The following WNK1 variants were observed in gnomAD, a reference collection of about 807,000 sequenced individuals.
The protein encoded by WNK1 is WNK lysine deficient protein kinase 1, also known as serine/threonine-protein kinase WNK1.
In WNK1, 38 loss-of-function variants were observed where a neutral mutation model predicts 222.8. That is an observed-to-expected ratio of 0.17 (90% confidence interval 0.13 to 0.22). WNK1 has a LOEUF of 0.22. Ranked by LOEUF, WNK1 falls within the 10% of genes least tolerant of loss-of-function variation. The pLI, the probability that WNK1 is intolerant of heterozygous loss-of-function variation, is 1.00. For missense variants in WNK1, 2,348 were observed against 2,918.4 expected (o/e 0.80, Z 4.50); for synonymous variants, 1,090 against 1,092.9 (o/e 1.00, Z 0.05).
intron 2 of WNK1, among the ~76,000 whole-genome samples, chr12:825,834 G>T (rs1353745821): frequency 6.6e-6 from 1 of 152,188 alleles, no homozygotes; most frequent in Non-Finnish European, 1.5e-5. Context: ...GTATTTTAAA[G>T]ATACTGAAAG....
At chr12:873,117 G>A (rs1029587666) in intron 9 of WNK1, among the ~76,000 whole-genome samples, 5 of 152,220 alleles carry the variant, frequency 3.3e-5, no homozygotes, top group Non-Finnish European at 7.3e-5. Context: ...GAAGTACTGA[G>A]TACTAATCTC....
At chr12:756,779 A>G (rs1387087390) in intron 1 of WNK1, among the ~76,000 whole-genome samples, 1 of 152,234 alleles carries the variant, frequency 6.6e-6, no homozygotes, top group Non-Finnish European at 1.5e-5. Flanking sequence ...AAAGCACTGG[A>G]AAGATAGAAA....
chr12:883,120 C>A, intron 15 of WNK1, 61 bp downstream of exon 15: 2 of 1,208,414 alleles, frequency 1.7e-6, no homozygotes, highest in Non-Finnish European at 2.5e-6. Context: ...AGCCATTGCT[C>A]TAGGCAAATA....
In WNK1 at chr12:875,591, A is replaced by G. The variant is rs183104526; in HGVS notation, c.2224-2621A>G. On this transcript the variant is annotated intron_variant, in intron 9 of 27. Transcript: ENST00000315939. ...GCTTAAAGATCTCTTTAAGATGTCA[A>G]TATAAGGGTTACATGAATAAAAACC... Among the ~76,000 whole-genome samples, 6 of 152,358 alleles carry G rather than the reference A, an allele frequency of 3.9e-5. No homozygotes were observed. In the East Asian group the frequency reaches 5.8e-4, roughly 15 times the overall value.
chr12:866,782 T>C (rs12309274), intron 8 of WNK1, among the ~76,000 whole-genome samples: 1 of 152,156 alleles, frequency 6.6e-6, no homozygotes, highest in Non-Finnish European at 1.5e-5. Context: ...CTGTCATTTA[T>C]ATTACCCTTT....
In WNK1 at chr12:884,739, G is replaced by T; in HGVS notation, c.3935G>T (p.Arg1312Leu). ...CAACAGGCCTTTTCTGAACTTAGAC[G>T]TGCCCAAATGACAGAAGGACCCAAC... ...SLQQAFSELRRAQMTEGPNTA... is the reference protein window; with the variant it reads ...SLQQAFSELRLAQMTEGPNTA... Residue 1312 changes from arginine to leucine, a missense_variant, in exon 19 of 28, where the codon CGT becomes CTT. This residue lies in a region of WNK1 where 1,144 missense variants were observed against 1,273.6 expected (regional missense o/e 0.90). Transcript: ENST00000315939. The surrounding 1 kb of genome is among the most constrained non-coding windows in gnomAD (Gnocchi z 5.6). 6.2e-7 allele frequency: 1 copy of T among 1,614,082 alleles called. No homozygotes were observed. Among genetic ancestry groups the T allele is most frequent in the Non-Finnish European group, 8.5e-7 (1 of 1,180,016 alleles).
In WNK1 at chr12:885,382, A is replaced by G. The variant is rs541711074; in HGVS notation, c.4578A>G (p.Ala1526=). ...TAGCTGAAACCGTGGTAGTTAGCGCACACTCACTAGATAAGACATCTCATA... is the reference window on the plus strand; with the variant it reads ...TAGCTGAAACCGTGGTAGTTAGCGCGCACTCACTAGATAAGACATCTCATA... The part of the protein sequence containing the change: ...PTLAETVVVS[A]HSLDKTSHSS... Residue 1526 remains alanine, a synonymous_variant, in exon 19 of 28, where the codon GCA becomes GCG. Transcript: ENST00000315939. 1.1e-4 allele frequency: 178 copies of G among 1,613,744 alleles called. 1 individual carries two copies. In the South Asian group the frequency reaches 1.7e-3, roughly 15 times the overall value.
chr12:757,289 T>C (rs1234920164), intron 1 of WNK1, among the ~76,000 whole-genome samples: 2 of 151,178 alleles, frequency 1.3e-5, no homozygotes, highest in African/African-American at 2.4e-5. Flanking sequence ...CATTGCTCTT[T>C]AGTAAAACAA....
intron 9 of WNK1, among the ~76,000 whole-genome samples, chr12:873,956 T>C (rs1044265070): frequency 6.6e-6 from 1 of 152,016 alleles, no homozygotes; most frequent in African/African-American, 2.4e-5. Context: ...ATACTAGATC[T>C]TAGCAAGGTA....
rs748897566 is a variant in WNK1, at chr12:862,087, T to C, written c.1956T>C (p.Asp652=). Reference sequence around the variant, plus strand: ...GGCGATTCATTTTTCCTTCAGCTGATGGGACGGTTGACAGTGGTCAGGGAT... The same window carrying C: ...GGCGATTCATTTTTCCTTCAGCTGACGGGACGGTTGACAGTGGTCAGGGAT... The part of the protein sequence containing the change: ...YQQPSISVLS[D]GTVDSGQGSS... The change falls in exon 8 of 28, where the codon GAT becomes GAC. Residue 652 remains aspartate, a synonymous_variant. Transcript: ENST00000315939. 1.2e-6 allele frequency: 2 copies of C among 1,614,040 alleles called. No individual in the cohort carries two copies. The highest frequency in any genetic ancestry group is 1.1e-5 in the South Asian group (1 of 91,078).
At chr12:895,946 A>G in intron 23 of WNK1, 125 bp from the exon 24 acceptor site, 1 of 1,310,256 alleles carries the variant, frequency 7.6e-7, no homozygotes. Flanking sequence ...GCGCTATGTA[A>G]AGAGACAATC....
chr12:907,646 T>C, intron 26 of WNK1: 2 of 662,320 alleles, frequency 3.0e-6, no homozygotes, highest in Non-Finnish European at 5.4e-6. Context: ...CAGCAGCTAC[T>C]GAAGAGAAAC....
At position 879,952 on chromosome 12, in the gene WNK1, C is replaced by T; in HGVS notation, c.2753C>T (p.Ala918Val). The change falls in exon 11 of 28, where the codon GCA becomes GTA. Residue 918 changes from alanine (A) to valine (V), a missense_variant. Physicochemically the swap from Ala to Val is moderately conservative, Grantham distance 64. This residue lies in a region of WNK1 where 547 missense variants were observed against 558.3 expected (regional missense o/e 0.98). Transcript: ENST00000315939. Reference protein sequence around the residue: ...SQVHPQLLQPAVQSMGIPANL... With the variant: ...SQVHPQLLQPVVQSMGIPANL... Reference sequence around the variant, plus strand: ...GTTCACCCACAGCTCCTACAACCAGCAGTTCAGTCCATGGGAATACCAGCT... The same window carrying T: ...GTTCACCCACAGCTCCTACAACCAGTAGTTCAGTCCATGGGAATACCAGCT... The T allele has an allele frequency of 6.2e-7, 1 of 1,614,166 alleles. No homozygotes were observed. Among genetic ancestry groups the T allele is most frequent in the Non-Finnish European group, 8.5e-7 (1 of 1,180,024 alleles).
At chr12:763,463 C>G (rs1349086166) in intron 1 of WNK1, among the ~76,000 whole-genome samples, 3 of 146,658 alleles carry the variant, frequency 2.0e-5, no homozygotes, top group Non-Finnish European at 4.6e-5. Flanking sequence ...GTGGTGCATG[C>G]CTGTAATCCC....
At chr12:871,220 A>T in intron 8 of WNK1, 45 bp from the exon 9 acceptor site, 1 of 1,564,858 alleles carries the variant, frequency 6.4e-7, no homozygotes, top group Non-Finnish European at 8.8e-7. Context: ...CTATACACTT[A>T]CTTTAGGCCT....
chr12:756,762 G>C (rs1188472079), intron 1 of WNK1, among the ~76,000 whole-genome samples: 1 of 152,146 alleles, frequency 6.6e-6, no homozygotes. Context: ...CAAGCCAAGG[G>C]ATTACTAAAG....
rs75507689 is a variant in WNK1, at chr12:849,000, C to T, written c.1312-8161C>T. Among the ~76,000 whole-genome samples, 605 of 152,222 alleles carry T rather than the reference C, an allele frequency of 4.0e-3. 4 individuals carry two copies. Among genetic ancestry groups the T allele is most frequent in the South Asian group, 0.031 (152 of 4,826 alleles). The stretch of plus-strand genomic sequence containing the variant: ...TCTGATGGACCTTTGAGGCAGGACA[C>T]GTGGCACTTGTTTTCTAGCTCTTTC... On this transcript the variant is annotated intron_variant, in intron 4 of 27. Coordinates refer to ENST00000315939, the MANE Select transcript of WNK1 (RefSeq NM_018979.4).
rs571935421 is a variant in WNK1, at chr12:827,710, G to A, written c.1153+448G>A. ...TGCCTGGCTAATTTTTGTATTTTTA[G>A]TAGAAATGGGGTTTCACCGTGTTGG... is the stretch of plus-strand genomic sequence containing the variant. On this transcript the variant is annotated intron_variant, in intron 3 of 27. Coordinates refer to ENST00000315939, the MANE Select transcript of WNK1 (RefSeq NM_018979.4). The surrounding 1 kb of genome is among the most constrained non-coding windows in gnomAD (Gnocchi z 4.6). Among the ~76,000 whole-genome samples, 43 of 152,042 alleles carry A rather than the reference G, an allele frequency of 2.8e-4. No individual in the cohort carries two copies. The highest frequency in any genetic ancestry group is 5.4e-4 in the Non-Finnish European group (37 of 67,974).
chr12:879,053 C>T lies in WNK1; in HGVS notation c.2374-520C>T, dbSNP rs563995486. 9.3e-4 allele frequency among the ~76,000 whole-genome samples: 142 copies of T among 152,154 alleles called. 2 individuals carry two copies. Among genetic ancestry groups the T allele is most frequent in the South Asian group, 7.5e-3 (36 of 4,820 alleles). Reference sequence around the variant, plus strand: ...GGTAGTGGAGAGGGATGATTGCATCCTAGAATGAGTGAAATATGTGAATTA... The same window carrying T: ...GGTAGTGGAGAGGGATGATTGCATCTTAGAATGAGTGAAATATGTGAATTA... On this transcript the variant is annotated intron_variant, in intron 10 of 27. Transcript: ENST00000315939.
Sources: gnomAD v4.1 joint callset for allele counts (sites outside exome capture counted in the v4.1 genomes callset) on GRCh38, gnomAD v4.1.1 for gene constraint, gnomAD v4.1.1 regional missense constraint, Gnocchi (gnomAD v3.1) non-coding constraint, MANE v1.5 for transcripts, NCBI Gene and HGNC (gene_info 2026-07-23, HGNC 2026-07-21) for gene names.